The following TRPM3 variants were observed in gnomAD, a reference collection of about 807,000 sequenced individuals.
TRPM3 encodes transient receptor potential cation channel subfamily M member 3.
TRPM3 carries 77 observed loss-of-function variants against 181.2 expected under a neutral mutation model. The ratio of observed to expected loss-of-function variants is 0.42; its 90% CI spans 0.35 to 0.51. The LOEUF is 0.51. Among genes scored for constraint, TRPM3 ranks in the 20% least tolerant of loss-of-function variants. The pLI is 0.01. For missense variants in TRPM3, 1,759 were observed against 2,196.7 expected (o/e 0.80, Z 3.98); for synonymous variants, 745 against 796.4 (o/e 0.94, Z 1.09).
intron 1 of TRPM3, among the ~76,000 whole-genome samples, chr9:70,942,535 T>C (rs2096896086): frequency 1.3e-5 from 2 of 152,258 alleles, no homozygotes; most frequent in South Asian, 4.1e-4. Flanking sequence ...AATTTCACTG[T>C]ACAAGGCTTC....
intron 1 of TRPM3, among the ~76,000 whole-genome samples, chr9:71,440,592 C>G (rs2094122980): frequency 6.6e-6 from 1 of 152,202 alleles, no homozygotes. Context: ...CTACTTTAAC[C>G]TTTGCTCCAA....
intron 1 of TRPM3, among the ~76,000 whole-genome samples, chr9:71,188,923 T>C (rs2077844852): frequency 6.6e-6 from 1 of 151,950 alleles, no homozygotes; most frequent in African/African-American, 2.4e-5. Flanking sequence ...AAATTCATAT[T>C]TGAATATTCT....
intron 1 of TRPM3, among the ~76,000 whole-genome samples, chr9:70,966,722 C>T (rs1396324133): frequency 6.6e-6 from 1 of 151,876 alleles, no homozygotes; most frequent in South Asian, 2.1e-4. Context: ...AGGGGAACAC[C>T]ACACATTGGG....
At chr9:70,994,285 G>A (rs1320210641) in intron 1 of TRPM3, among the ~76,000 whole-genome samples, 5 of 152,076 alleles carry the variant, frequency 3.3e-5, no homozygotes. Flanking sequence ...CCCAAAATAT[G>A]TTAGCTGTTG....
intron 3 of TRPM3, among the ~76,000 whole-genome samples, chr9:70,852,249 G>A (rs945770417): frequency 9.2e-5 from 14 of 151,550 alleles, no homozygotes; most frequent in African/African-American, 2.9e-4. Flanking sequence ...TGCATGCTGC[G>A]TGTTCTACTT....
At chr9:71,432,042 C>G (rs1281305772) in intron 1 of TRPM3, among the ~76,000 whole-genome samples, 4 of 152,212 alleles carry the variant, frequency 2.6e-5, no homozygotes, top group African/African-American at 4.8e-5. Context: ...CGATTATACT[C>G]TATGTACATA....
intron 6 of TRPM3, among the ~76,000 whole-genome samples, chr9:70,792,457 G>T (rs1198977791): frequency 6.6e-6 from 1 of 151,816 alleles, no homozygotes; most frequent in African/African-American, 2.4e-5. Context: ...AGGAAGGAGA[G>T]AGAGAGGGGA....
At chr9:70,865,119 G>C (rs1260709659) in intron 1 of TRPM3, among the ~76,000 whole-genome samples, 1 of 151,880 alleles carries the variant, frequency 6.6e-6, no homozygotes, top group African/African-American at 2.4e-5. Flanking sequence ...TACAGGTAAT[G>C]CCTTTGGAAA....
chr9:71,444,598 A>AT lies in TRPM3; in HGVS notation c.183+2054dup, dbSNP rs1262411664. Reference sequence around the variant, plus strand: ...TGCTTTAATCTTTACAGGTTAGGCTATTTTTTAACAGCTCACTTTAAGGGA... The same window carrying AT: ...TGCTTTAATCTTTACAGGTTAGGCTATTTTTTTAACAGCTCACTTTAAGGGA... On this transcript the variant is annotated intron_variant, in intron 1 of 24. Coordinates refer to the TRPM3 transcript ENST00000357533. Among the ~76,000 whole-genome samples the AT allele has an allele frequency of 2.6e-4, 40 of 152,218 alleles. 1 individual carries two copies. The highest frequency in any genetic ancestry group is 2.6e-3 in the Admixed American group (40 of 15,282).
At chr9:70,933,185 T>C (rs531216039) in intron 1 of TRPM3, among the ~76,000 whole-genome samples, 1 of 152,198 alleles carries the variant, frequency 6.6e-6, no homozygotes, top group African/African-American at 2.4e-5. Flanking sequence ...CTCTGAGATA[T>C]TAAGGTAGAG....
At chr9:71,017,714 C>A (rs531961700) in intron 1 of TRPM3, among the ~76,000 whole-genome samples, 3 of 151,440 alleles carry the variant, frequency 2.0e-5, no homozygotes, top group Non-Finnish European at 4.4e-5. Flanking sequence ...TTGATAGACC[C>A]AATAAAAGAT....
chr9:71,270,384 A>C (rs2083700566), intron 1 of TRPM3, among the ~76,000 whole-genome samples: 1 of 152,072 alleles, frequency 6.6e-6, no homozygotes, highest in Non-Finnish European at 1.5e-5. Flanking sequence ...CCTTTCTAAC[A>C]GTTTACTCAA....
chr9:70,803,376 A>G (rs2131270238), intron 6 of TRPM3, among the ~76,000 whole-genome samples: 1 of 151,482 alleles, frequency 6.6e-6, no homozygotes, highest in Non-Finnish European at 1.5e-5. Flanking sequence ...TGACATAAAT[A>G]TTTTTATGAT....
At chr9:70,638,798 G>A (rs2133546178) in intron 11 of TRPM3, among the ~76,000 whole-genome samples, 1 of 152,216 alleles carries the variant, frequency 6.6e-6, no homozygotes, top group African/African-American at 2.4e-5. Flanking sequence ...GAGCCTTGTG[G>A]CTTTGTATAA....
chr9:70,608,197 T>G (rs1278792429), intron 19 of TRPM3, among the ~76,000 whole-genome samples: 1 of 152,220 alleles, frequency 6.6e-6, no homozygotes, highest in Non-Finnish European at 1.5e-5. Context: ...TGCCAGAGTC[T>G]CTGAGCCTAC....
At chr9:71,295,314 T>C (rs944912226) in intron 1 of TRPM3, among the ~76,000 whole-genome samples, 2 of 151,850 alleles carry the variant, frequency 1.3e-5, no homozygotes, top group African/African-American at 4.8e-5. Context: ...GGAGTTACAA[T>C]AGACAGTACT....
intron 1 of TRPM3, among the ~76,000 whole-genome samples, chr9:70,957,007 C>T (rs1314784275): frequency 6.8e-6 from 1 of 146,722 alleles, no homozygotes; most frequent in East Asian, 2.1e-4. Flanking sequence ...GTCACCCAGG[C>T]TGAAGTGCAG....
At chr9:71,186,068 A>C (rs1024922933) in intron 1 of TRPM3, among the ~76,000 whole-genome samples, 1 of 152,008 alleles carries the variant, frequency 6.6e-6, no homozygotes, top group African/African-American at 2.4e-5. Flanking sequence ...CAGCTGCATA[A>C]CTCTAACCTC....
At chr9:71,056,513 T>C (rs2060674500) in intron 1 of TRPM3, among the ~76,000 whole-genome samples, 1 of 152,062 alleles carries the variant, frequency 6.6e-6, no homozygotes, top group African/African-American at 2.4e-5. Flanking sequence ...CTGAGTTTTG[T>C]CTGCCAAAAT....
Sources: allele counts gnomAD v4.1 joint callset (sites outside exome capture counted in the v4.1 genomes callset), GRCh38; gene constraint gnomAD v4.1.1; transcripts MANE v1.5; gene names NCBI Gene and HGNC (gene_info 2026-07-23, HGNC 2026-07-21).